Variants in PPP4R2 observed in about 807,000 individuals in gnomAD.
PPP4R2 encodes the protein serine/threonine-protein phosphatase 4 regulatory subunit 2.
In PPP4R2, 13 loss-of-function variants were observed where a neutral mutation model predicts 47.2. The observed-to-expected ratio is 0.28, with a 90% CI of 0.18 to 0.44. PPP4R2 has a LOEUF of 0.44. PPP4R2 is among the 20% of genes least tolerant of loss of function. The probability of loss-of-function intolerance (pLI) is 1.00; values close to 1 mark genes in which losing one functional copy is unlikely to be tolerated. For missense variants in PPP4R2, 421 were observed against 491.2 expected, an observed-to-expected ratio of 0.86 and a Z score of 1.35; for synonymous variants, 151 against 163.3, an observed-to-expected ratio of 0.92 and a Z score of 0.57.
At chr3:73,020,724 T>TA (rs1246289895) in intron 2 of PPP4R2, among the ~76,000 whole-genome samples, 4 of 151,508 alleles carry the variant, frequency 2.6e-5, no homozygotes, top group African/African-American at 9.7e-5. Context: ...GACAGGGTGT[T>TA]GCTGTGTTGC....
chr3:73,064,527 A>T (rs1341720330), intron 7 of PPP4R2, among the ~76,000 whole-genome samples: 1 of 152,216 alleles, frequency 6.6e-6, no homozygotes, highest in Non-Finnish European at 1.5e-5. Context: ...TCTGTATCAC[A>T]TTAAGGGAAG....
intron 2 of PPP4R2, among the ~76,000 whole-genome samples, chr3:73,012,947 T>G (rs1575844958): frequency 6.7e-6 from 1 of 149,224 alleles, no homozygotes; most frequent in Non-Finnish European, 1.5e-5. Context: ...TGAATACTAG[T>G]GGTGAATTTG....
intron 2 of PPP4R2, among the ~76,000 whole-genome samples, chr3:73,028,480 T>TG (rs1227977711): frequency 1.3e-5 from 2 of 152,064 alleles, no homozygotes; most frequent in Admixed American, 1.3e-4. Flanking sequence ...GTTTTTGAGA[T>TG]GGAGTCTCGC....
At chr3:73,009,550 G>A (rs1319153527) in intron 2 of PPP4R2, among the ~76,000 whole-genome samples, 4 of 152,152 alleles carry the variant, frequency 2.6e-5, no homozygotes, top group Admixed American at 1.3e-4. Context: ...GACTATTACT[G>A]TATATGACAT....
rs370070533 is a variant in PPP4R2 at position 73,018,534 on chromosome 3, G to C, written c.116+20376G>C. Among the ~76,000 whole-genome samples the C allele has an allele frequency of 4.2e-4, 59 of 139,076 alleles. No homozygotes were observed. In the South Asian group the frequency reaches 0.013, roughly 31 times the overall value. 91.2% of individuals were successfully genotyped at this position (139,076 alleles called of 152,430 possible). A position where few individuals can be genotyped will look rare whatever the true frequency, so the allele number is the denominator to read the frequency against. On this transcript the variant is annotated intron_variant, in intron 2 of 8. Coordinates refer to ENST00000356692, the MANE Select transcript of PPP4R2 (RefSeq NM_174907.4). ...AGTGATGTGTCCATGGCTCATGGCAGCCTCAACCACCCGGGCACAAGCAGT... is the reference window on the plus strand; with the variant it reads ...AGTGATGTGTCCATGGCTCATGGCACCCTCAACCACCCGGGCACAAGCAGT...
chr3:73,002,363 G>C (rs1382733728), intron 2 of PPP4R2, among the ~76,000 whole-genome samples: 3 of 152,132 alleles, frequency 2.0e-5, no homozygotes, highest in Non-Finnish European at 2.9e-5. Context: ...GGATCCTCTT[G>C]CCTCAGCCTC....
intron 2 of PPP4R2, among the ~76,000 whole-genome samples, chr3:73,026,957 G>A (rs775949340): frequency 2.6e-5 from 4 of 152,110 alleles, no homozygotes; most frequent in Non-Finnish European, 5.9e-5. Context: ...AACCTGTTTC[G>A]AAGTTGTCTT....
chr3:73,016,726 A>T (rs1306639513), intron 2 of PPP4R2, among the ~76,000 whole-genome samples: 5 of 80,240 alleles, frequency 6.2e-5, no homozygotes, highest in South Asian at 4.7e-4. Flanking sequence ...TTATTGGTTC[A>T]TTGTTTATTT....
At chr3:73,025,479 GA>G (rs1702045632) in intron 2 of PPP4R2, among the ~76,000 whole-genome samples, 1 of 151,966 alleles carries the variant, frequency 6.6e-6, no homozygotes, top group Non-Finnish European at 1.5e-5. Flanking sequence ...TCTTTATAAG[GA>G]AAAAAAGACG....
chr3:73,062,819 A>AC (rs1463638809), intron 5 of PPP4R2: 8 of 1,613,924 alleles, frequency 5.0e-6, no homozygotes, highest in Non-Finnish European at 5.9e-6. Context: ...TCAGCTCAAG[A>AC]CCATGGGTTG....
In PPP4R2 at chr3:73,062,275, T is replaced by C. The variant is rs1359130580; in HGVS notation, c.419+1215T>C. The C allele has an allele frequency of 5.6e-6, 9 of 1,604,988 alleles. No homozygotes were observed. In the East Asian group the frequency reaches 1.8e-4, roughly 32 times the overall value. On this transcript the variant is annotated intron_variant, in intron 5 of 8. Coordinates refer to ENST00000356692, the MANE Select transcript of PPP4R2 (RefSeq NM_174907.4). Reference sequence around the variant, plus strand: ...CCCAGCAGCCCAGGAGATGACGCAATGGACAGGAGTGGGCTCCCTGACCTT... The same window carrying C: ...CCCAGCAGCCCAGGAGATGACGCAACGGACAGGAGTGGGCTCCCTGACCTT...
In PPP4R2 at chr3:73,002,629, C is replaced by CTTTTTTTTTTTT. The variant is rs1245599779; in HGVS notation, c.116+4475_116+4476insTTTTTTTTTTTT. Among the ~76,000 whole-genome samples, 365 of 82,854 alleles carry CTTTTTTTTTTTT rather than the reference C, an allele frequency of 4.4e-3. 29 individuals carry two copies. The highest frequency in any genetic ancestry group is 6.0e-3 in the Non-Finnish European group (248 of 41,540). 54.4% of individuals were successfully genotyped at this position (82,854 alleles called of 152,430 possible). A position where few individuals can be genotyped will look rare whatever the true frequency, so the allele number is the denominator to read the frequency against. Reference sequence around the variant, plus strand: ...TTTTTCTTTTCTTTTCTTTTCTTTTCTTTTCTTTTTTTTTTTTTTTTTTTT... The same window carrying CTTTTTTTTTTTT: ...TTTTTCTTTTCTTTTCTTTTCTTTTCTTTTTTTTTTTTTTTTCTTTTTTTTTTTTTTTTTTTT... On this transcript the variant is annotated intron_variant, in intron 2 of 8. Transcript: ENST00000356692.
chr3:73,064,217 C>T, intron 7 of PPP4R2, 71 bp downstream of exon 7: 1 of 1,294,756 alleles, frequency 7.7e-7, no homozygotes, highest in South Asian at 1.4e-5. Flanking sequence ...CAGTACTTAT[C>T]ACTTACTATT....
chr3:73,014,816 A>G, intron 2 of PPP4R2: 1 of 405,186 alleles, frequency 2.5e-6, no homozygotes, highest in Non-Finnish European at 4.4e-6. Context: ...TGAAAGTGAT[A>G]ATATTCTAAA....
At chr3:73,005,547 T>A (rs1422530581) in intron 2 of PPP4R2, among the ~76,000 whole-genome samples, 1 of 152,098 alleles carries the variant, frequency 6.6e-6, no homozygotes, top group East Asian at 1.9e-4. Flanking sequence ...TTGAGTCCTT[T>A]TTTAAAAAGC....
chr3:73,040,259 A>C (rs938161621), intron 2 of PPP4R2, among the ~76,000 whole-genome samples: 4 of 152,294 alleles, frequency 2.6e-5, no homozygotes, highest in Non-Finnish European at 4.4e-5. Context: ...ATCATACTCA[A>C]ATGTAACATG....
rs1330158393 is a variant in PPP4R2, at chr3:72,997,037, C to T, written c.-1C>T. The T allele has an allele frequency of 7.1e-6, 10 of 1,404,398 alleles. No individual in the cohort carries two copies. Among genetic ancestry groups the T allele is most frequent in the Non-Finnish European group, 9.4e-6 (10 of 1,062,314 alleles). The allele number at this position is 1,404,398 out of a possible 1,614,324, so 87.0% of individuals were successfully genotyped here. ...GAGGCTGTGAGGGACTCCGGGAAGC[C>T]ATGGACGTCGAGAGGCTCCAGGAGG... On this transcript the variant is annotated 5_prime_UTR_variant, in exon 1 of 9. Transcript: ENST00000356692.
At chr3:73,060,914 A>G in intron 4 of PPP4R2, 109 bp from the exon 5 acceptor site, 1 of 648,072 alleles carries the variant, frequency 1.5e-6, no homozygotes, top group South Asian at 2.6e-5. Flanking sequence ...TAGCAAAATT[A>G]GAATCAATGG....
chr3:73,069,089 A>G lies in PPP4R2; in HGVS notation c.*3367A>G, dbSNP rs1008123780. 20 of 152,212 alleles carry G rather than the reference A, an allele frequency of 1.3e-4. No individual in the cohort carries two copies. The highest frequency in any genetic ancestry group is 9.2e-4 in the Admixed American group (14 of 15,280). The allele number at this position is 152,212 out of a possible 1,614,324, so 9.4% of individuals were successfully genotyped here. On this transcript the variant is annotated 3_prime_UTR_variant, in exon 9 of 9. Coordinates refer to ENST00000356692, the MANE Select transcript of PPP4R2 (RefSeq NM_174907.4). ...GTTAGACTACATCTTACTATTTCACATTTTAAAAATCAGTACACTCTTCAG... is the reference window on the plus strand; with the variant it reads ...GTTAGACTACATCTTACTATTTCACGTTTTAAAAATCAGTACACTCTTCAG...
Sources: allele counts gnomAD v4.1 joint callset (sites outside exome capture counted in the v4.1 genomes callset), GRCh38; gene constraint gnomAD v4.1.1; transcripts MANE v1.5; gene names NCBI Gene and HGNC (gene_info 2026-07-23, HGNC 2026-07-21).